SOX5: variants seen among roughly 807,000 people sequenced by gnomAD.
The protein encoded by SOX5 is transcription factor SOX-5.
A neutral mutation model predicts 92.0 loss-of-function variants in SOX5; 9 were observed. The ratio of observed to expected loss-of-function variants is 0.10; its 90% CI spans 0.06 to 0.17. SOX5 has a LOEUF of 0.17. SOX5 is among the 10% of genes least tolerant of loss of function. The pLI, the probability that SOX5 is intolerant of heterozygous loss-of-function variation, is 1.00. For missense variants in SOX5, 642 were observed against 944.5 expected (o/e 0.68, Z 4.20); for synonymous variants, 344 against 336.3 (o/e 1.02, Z -0.25).
chr12:23,571,879 G>T (rs1442490646), intron 10 of SOX5, among the ~76,000 whole-genome samples: 1 of 151,822 alleles, frequency 6.6e-6, no homozygotes, highest in Admixed American at 6.6e-5. Context: ...CTAGTTAAGG[G>T]TCTATAATTG....
At chr12:24,128,934 C>A (rs998075404) in intron 4 of SOX5, among the ~76,000 whole-genome samples, 3 of 152,018 alleles carry the variant, frequency 2.0e-5, no homozygotes, top group African/African-American at 7.2e-5. Context: ...AGGAAGGTGG[C>A]AATGGAAAAC....
intron 8 of SOX5, among the ~76,000 whole-genome samples, chr12:23,628,288 T>C (rs919363691): frequency 6.6e-6 from 1 of 152,012 alleles, no homozygotes; most frequent in African/African-American, 2.4e-5. Flanking sequence ...GGAGCACATA[T>C]TTAAAATAGT....
intron 1 of SOX5, among the ~76,000 whole-genome samples, chr12:23,924,321 A>C (rs191167648): frequency 0.01 from 1,570 of 152,268 alleles, 12 homozygotes; most frequent in South Asian, 0.035. Flanking sequence ...TGTTGTAGCA[A>C]TTCTTCCTGC....
intron 11 of SOX5, among the ~76,000 whole-genome samples, chr12:23,558,050 A>C (rs2136266602): frequency 6.6e-6 from 1 of 152,026 alleles, no homozygotes; most frequent in South Asian, 2.1e-4. Context: ...CAATTATAAG[A>C]CAAACAAAAC....
At chr12:24,187,479 T>C (rs1565615177) in intron 4 of SOX5, among the ~76,000 whole-genome samples, 1 of 152,318 alleles carries the variant, frequency 6.6e-6, no homozygotes, top group East Asian at 1.9e-4. Flanking sequence ...CAGACAGAAA[T>C]ACATTTGCTT....
chr12:23,781,952 A>C (rs986517126), intron 3 of SOX5, among the ~76,000 whole-genome samples: 8 of 152,122 alleles, frequency 5.3e-5, no homozygotes, highest in African/African-American at 1.9e-4. Context: ...AAAAGAAATG[A>C]ATGGAAACTC....
chr12:23,954,774 T>C (rs1392766735), upstream of SOX5, among the ~76,000 whole-genome samples: 1 of 152,078 alleles, frequency 6.6e-6, no homozygotes, highest in Non-Finnish European at 1.5e-5. Flanking sequence ...AGATGAATTG[T>C]TCTCAGATTG....
Position 23,530,837 on chromosome 12 carries a change from A to ATGTGTGTG in SOX5, c.*3381_*3382insCACACACA. The stretch of plus-strand genomic sequence containing the variant: ...TGTGTGTGCGCGCGCGCGCGCGCGC[A>ATGTGTGTG]TGTGAGAGAGAGAGAGAAAGGGAAA... On this transcript the variant is annotated 3_prime_UTR_variant, in exon 15 of 15. Transcript: ENST00000451604. The ATGTGTGTG allele has an allele frequency of 4.8e-5, 1 of 20,930 alleles. No individual in the cohort carries two copies. Among genetic ancestry groups the ATGTGTGTG allele is most frequent in the East Asian group, 5.5e-3 (1 of 182 alleles). The allele number at this position is 20,930 out of a possible 1,614,324, so 1.3% of individuals were successfully genotyped here.
At chr12:24,099,995 T>C (rs1375924593) in intron 4 of SOX5, among the ~76,000 whole-genome samples, 2 of 152,148 alleles carry the variant, frequency 1.3e-5, no homozygotes, top group Admixed American at 6.6e-5. Flanking sequence ...AAGCAAATTG[T>C]GTCAGGTTAA....
At chr12:23,838,853 G>GGGGC (rs2096473464) in intron 3 of SOX5, among the ~76,000 whole-genome samples, 1 of 96,330 alleles carries the variant, frequency 1.0e-5, no homozygotes, top group Non-Finnish European at 2.1e-5. Flanking sequence ...TGGGGGGGGG[G>GGGGC]GGCGGGGATG....
intron 4 of SOX5, among the ~76,000 whole-genome samples, chr12:24,134,931 A>G (rs1053913525): frequency 1.3e-5 from 2 of 152,202 alleles, no homozygotes; most frequent in Non-Finnish European, 2.9e-5. Flanking sequence ...ATTTTTAAAA[A>G]TACATTCACT....
rs139558656 is a variant in SOX5 at position 24,095,940 on chromosome 12, T to G, written c.-2+117403A>C. 7.8e-3 allele frequency among the ~76,000 whole-genome samples: 1,181 copies of G among 152,294 alleles called. 20 individuals carry two copies. The highest frequency in any genetic ancestry group is 0.027 in the African/African-American group (1,111 of 41,542). ...GAACTACGAGTCAATTAAACTTCTT[T>G]CCTTTATAAGTTACCCAGTCTCAGG... is the stretch of plus-strand genomic sequence containing the variant. On this transcript the variant is annotated intron_variant, in intron 4 of 4. Coordinates refer to the SOX5 transcript ENST00000446891.
Position 23,732,195 on chromosome 12 carries a change from A to C in SOX5, c.810+2489T>G, listed in dbSNP as rs550321086. 3.3e-5 allele frequency among the ~76,000 whole-genome samples: 5 copies of C among 152,148 alleles called. No homozygotes were observed. In the East Asian group the frequency reaches 9.6e-4, roughly 29 times the overall value. On this transcript the variant is annotated intron_variant, in intron 6 of 14. Transcript: ENST00000451604. The stretch of plus-strand genomic sequence containing the variant: ...TTCCAAGAAAAAGGAGGCAGTAGGA[A>C]GAAGGAGAAAAGGGAAGAAAAAACA...
intron 2 of SOX5, among the ~76,000 whole-genome samples, chr12:23,878,548 C>G (rs2096953569): frequency 6.6e-6 from 1 of 151,988 alleles, no homozygotes; most frequent in African/African-American, 2.4e-5. Flanking sequence ...ATGCCTATTA[C>G]ATTTTTACCT....
intron 6 of SOX5, among the ~76,000 whole-genome samples, chr12:23,684,805 G>A (rs902655867): frequency 1.3e-5 from 2 of 152,042 alleles, no homozygotes; most frequent in Non-Finnish European, 2.9e-5. Flanking sequence ...CTGTGCAACT[G>A]GCTTAATGTC....
chr12:24,306,901 C>G (rs1948632302), intron 2 of SOX5, among the ~76,000 whole-genome samples: 1 of 152,126 alleles, frequency 6.6e-6, no homozygotes, highest in Non-Finnish European at 1.5e-5. Context: ...AGACACTGGG[C>G]AGCCTGTTCC....
intron 4 of SOX5, among the ~76,000 whole-genome samples, chr12:24,171,349 G>A (rs1954132856): frequency 6.6e-6 from 1 of 150,982 alleles, no homozygotes; most frequent in African/African-American, 2.4e-5. Context: ...TCAGCCTCCC[G>A]GGTAGCTGGG....
chr12:23,716,234 C>G (rs1431616815), intron 6 of SOX5, among the ~76,000 whole-genome samples: 1 of 152,116 alleles, frequency 6.6e-6, no homozygotes, highest in Non-Finnish European at 1.5e-5. Context: ...AAAATTAATT[C>G]AGAGATGAAG....
intron 2 of SOX5, among the ~76,000 whole-genome samples, chr12:23,873,484 AAAAG>A (rs1447621647): frequency 6.6e-6 from 1 of 152,182 alleles, no homozygotes; most frequent in Admixed American, 6.5e-5. Context: ...AAAGAAAAAG[AAAAG>A]AAATAACTAC....
Sources: gnomAD v4.1 joint callset for allele counts (sites outside exome capture counted in the v4.1 genomes callset) on GRCh38, gnomAD v4.1.1 for gene constraint, MANE v1.5 for transcripts, NCBI Gene and HGNC (gene_info 2026-07-23, HGNC 2026-07-21) for gene names.